Variants in MYO7B observed in about 807,000 individuals in gnomAD.
MYO7B encodes the protein myosin VIIB, also known as unconventional myosin-VIIb.
Under a neutral mutation model 259.7 loss-of-function variants are expected in MYO7B, and 212 were observed. That is an observed-to-expected ratio of 0.82 (90% confidence interval 0.73 to 0.91). MYO7B has a LOEUF of 0.91. MYO7B is among the 40% of genes least tolerant of loss of function. The pLI, the probability that MYO7B is intolerant of heterozygous loss-of-function variation, is 0.00. For missense variants in MYO7B, 2,732 were observed against 2,813.5 expected (o/e 0.97, Z 0.66); for synonymous variants, 1,197 against 1,166.4 (o/e 1.03, Z -0.54).
chr2:127,624,185 G>C lies in MYO7B; in HGVS notation c.3912G>C (p.Gln1304His), dbSNP rs775026628. Residue 1304 changes from glutamine (Q) to histidine (H), a missense_variant, in exon 30 of 48, where the codon CAG becomes CAC. Around this residue, in one of 3 missense-constraint regions of MYO7B, gnomAD observed 1,906 missense variants for 2,026.4 expected, o/e 0.94. Coordinates refer to ENST00000409816, the MANE Select transcript of MYO7B (RefSeq NM_001393586.1). ...AGGAGAGGGGCGAGAGCCAGCGCCA[G>C]TCACCCTGGCGCATCTACTTCCGGA... ...MAQERGESQR[Q>H]SPWRIYFRKE... 1 of 1,597,408 alleles carries C rather than the reference G, an allele frequency of 6.3e-7. No individual in the cohort carries two copies. Among genetic ancestry groups the C allele is most frequent in the Non-Finnish European group, 8.5e-7 (1 of 1,172,682 alleles).
chr2:127,611,191 C>T lies in MYO7B; in HGVS notation c.3193-1059C>T, dbSNP rs1172525353. 6.6e-6 allele frequency among the ~76,000 whole-genome samples: 1 copy of T among 152,220 alleles called. No homozygotes were observed. Among genetic ancestry groups the T allele is most frequent in the East Asian group, 1.9e-4 (1 of 5,192 alleles). ...TTCCACAAAGCTGCCTGGGCATCCT[C>T]ACAACATGGCTTCCCTCAACATGAG... On this transcript the variant is annotated intron_variant, in intron 24 of 47. Coordinates refer to ENST00000409816, the MANE Select transcript of MYO7B (RefSeq NM_001393586.1). The surrounding 1 kb of genome is among the most constrained non-coding windows in gnomAD (Gnocchi z 5.4).
At chr2:127,580,713 T>G in intron 9 of MYO7B, 33 bp from the exon 10 acceptor site, 1 of 1,595,124 alleles carries the variant, frequency 6.3e-7, no homozygotes, top group South Asian at 1.1e-5. Flanking sequence ...TCCAGGCTGC[T>G]TTCCAACTCA....
chr2:127,569,407 TG>T (rs1026428130), intron 5 of MYO7B, among the ~76,000 whole-genome samples: 5 of 152,162 alleles, frequency 3.3e-5, no homozygotes, highest in Non-Finnish European at 7.3e-5. Context: ...CAACAGAGCC[TG>T]TGTGACCTGG....
rs185379304 is a variant in MYO7B, at chr2:127,563,792, C to T, written c.19-361C>T. 2.3e-3 allele frequency among the ~76,000 whole-genome samples: 354 copies of T among 152,302 alleles called. 2 individuals are homozygous for T. The highest frequency in any genetic ancestry group is 7.8e-3 in the African/African-American group (325 of 41,570). ...TCTGAGAGGATGCAACTCTTGCTACCGTCATCAAGCTTGAGAAGCACTTTC... is the reference window on the plus strand; with the variant it reads ...TCTGAGAGGATGCAACTCTTGCTACTGTCATCAAGCTTGAGAAGCACTTTC... On this transcript the variant is annotated intron_variant, in intron 2 of 47. Coordinates refer to ENST00000409816, the MANE Select transcript of MYO7B (RefSeq NM_001393586.1).
chr2:127,548,664 T>G (rs1693329520), intron 1 of MYO7B, among the ~76,000 whole-genome samples: 1 of 152,168 alleles, frequency 6.6e-6, no homozygotes, highest in Admixed American at 6.5e-5. Context: ...TCCACCCGCC[T>G]CGGCCTCCCA....
chr2:127,544,881 C>T (rs979292241), intron 1 of MYO7B, among the ~76,000 whole-genome samples: 1 of 149,784 alleles, frequency 6.7e-6, no homozygotes, highest in African/African-American at 2.5e-5. Context: ...CGCCCGGCCA[C>T]GTCTGGCTAA....
In MYO7B at chr2:127,613,384, G is replaced by T. The variant is rs1462943529; in HGVS notation, c.3398+781G>T. On this transcript the variant is annotated intron_variant, in intron 26 of 47. Coordinates refer to ENST00000409816, the MANE Select transcript of MYO7B (RefSeq NM_001393586.1). The surrounding 1 kb of genome is among the most constrained non-coding windows in gnomAD (Gnocchi z 4.3). ...TCCATCCAACAAATGTTTTATTTCA[G>T]ATATTGTATTTTTCAGTTCTAGAAT... Among the ~76,000 whole-genome samples, 1 of 152,072 alleles carries T rather than the reference G, an allele frequency of 6.6e-6. No individual in the cohort carries two copies. The highest frequency in any genetic ancestry group is 2.4e-5 in the African/African-American group (1 of 41,402).
intron 19 of MYO7B, among the ~76,000 whole-genome samples, chr2:127,596,912 G>T (rs899612704): frequency 1.3e-5 from 2 of 152,236 alleles, no homozygotes; most frequent in African/African-American, 4.8e-5. Flanking sequence ...TCCATGGCTT[G>T]CCTGGGTTCC....
At chr2:127,574,125 C>T in intron 7 of MYO7B, 63 bp downstream of exon 7, 2 of 1,595,750 alleles carry the variant, frequency 1.3e-6, no homozygotes, top group African/African-American at 1.3e-5. Flanking sequence ...AAGAGGGGCC[C>T]CTTTCCCACT....
chr2:127,567,809 G>A (rs767498754), intron 5 of MYO7B, among the ~76,000 whole-genome samples: 22 of 152,166 alleles, frequency 1.4e-4, no homozygotes, highest in Non-Finnish European at 2.6e-4. Flanking sequence ...TTCTAGAAGC[G>A]GAGACAGACA....
At chr2:127,555,476 T>C (rs1693603316) in intron 1 of MYO7B, among the ~76,000 whole-genome samples, 1 of 152,238 alleles carries the variant, frequency 6.6e-6, no homozygotes, top group Admixed American at 6.5e-5. Flanking sequence ...CCTTGAGATG[T>C]GACCTTCCTT....
intron 1 of MYO7B, among the ~76,000 whole-genome samples, chr2:127,552,463 C>A (rs2163346): frequency 0.12 from 17,786 of 152,064 alleles, 1,364 homozygotes; most frequent in South Asian, 0.31. Flanking sequence ...GCGGTGGAGG[C>A]CACAGCTTCT....
intron 19 of MYO7B, among the ~76,000 whole-genome samples, chr2:127,599,731 G>A (rs1679892032): frequency 6.6e-6 from 1 of 152,172 alleles, no homozygotes; most frequent in Non-Finnish European, 1.5e-5. Context: ...ATGAACAAGT[G>A]TTGAATGTCA....
Position 127,634,624 on chromosome 2 carries a change from T to C in MYO7B, c.5654T>C (p.Phe1885Ser). 6.2e-7 allele frequency: 1 copy of C among 1,612,998 alleles called. No individual in the cohort carries two copies. Among genetic ancestry groups the C allele is most frequent in the African/African-American group, 1.3e-5 (1 of 75,026 alleles). ...ATCAGCCAGAAGGAGGGAGACTTCT[T>C]CTTTGATTCCTTGAGGGAGGTGTCT... The part of the protein sequence containing the change: ...KVISQKEGDF[F>S]FDSLREVSDW... The change falls in exon 42 of 48, where the codon TTC becomes TCC. Residue 1885 changes from phenylalanine (F) to serine (S), a missense_variant. Transcript: ENST00000409816.
At chr2:127,604,985 A>G (rs58166770) in intron 19 of MYO7B, among the ~76,000 whole-genome samples, 8,499 of 152,306 alleles carry the variant, frequency 0.056, 407 homozygotes, top group African/African-American at 0.13. Flanking sequence ...CTGTTGGAAA[A>G]ATGATACCAA....
rs138705841 is a variant in MYO7B at position 127,558,983 on chromosome 2, C to T, written c.-23-717C>T. ...GCGTGCACCAAAATCCCACAAGTCACGGCTAAAGAGCTTAGCAATAGACCT... is the reference window on the plus strand; with the variant it reads ...GCGTGCACCAAAATCCCACAAGTCATGGCTAAAGAGCTTAGCAATAGACCT... On this transcript the variant is annotated intron_variant, in intron 1 of 47. Coordinates refer to ENST00000409816, the MANE Select transcript of MYO7B (RefSeq NM_001393586.1). Among the ~76,000 whole-genome samples the T allele has an allele frequency of 4.9e-3, 743 of 152,296 alleles. 7 individuals are homozygous for T. The highest frequency in any genetic ancestry group is 0.017 in the African/African-American group (711 of 41,564).
In MYO7B at chr2:127,584,097, CT is replaced by C. The variant is rs1429814090; in HGVS notation, c.1344-24del. ...GGACTCAGCTGGCCCCACTCCACCC[CT>C]GGGCAGTGACCTTGCCTCCACAGCT... On this transcript the variant is annotated intron_variant, in intron 12 of 47. Transcript: ENST00000409816. This position sits in a 1 kb window ranked among gnomAD's most constrained non-coding sequence, Gnocchi z 5.8. 2 of 1,600,530 alleles carry C rather than the reference CT, an allele frequency of 1.2e-6. No individual in the cohort carries two copies. Among genetic ancestry groups the C allele is most frequent in the East Asian group, 2.3e-5 (1 of 44,220 alleles).
At chr2:127,543,217 G>A (rs182381212) in intron 1 of MYO7B, among the ~76,000 whole-genome samples, 1 of 152,262 alleles carries the variant, frequency 6.6e-6, no homozygotes, top group East Asian at 1.9e-4. Context: ...GATAGTACCT[G>A]GCTTTCCTAG....
chr2:127,590,297 G>A lies in MYO7B; in HGVS notation c.1992+68G>A. The A allele has an allele frequency of 6.2e-7, 1 of 1,602,050 alleles. No individual in the cohort carries two copies. The highest frequency in any genetic ancestry group is 8.5e-7 in the Non-Finnish European group (1 of 1,172,872). On this transcript the variant is annotated intron_variant, in intron 16 of 47. Coordinates refer to ENST00000409816, the MANE Select transcript of MYO7B (RefSeq NM_001393586.1). The surrounding 1 kb of genome is among the most constrained non-coding windows in gnomAD (Gnocchi z 4.6). ...GGAGGCTGATGGCCTCTAGGGTTGT[G>A]GTCACTCCCTCTGCCAGGGCCTGGC... is the stretch of plus-strand genomic sequence containing the variant.
Sources: allele counts gnomAD v4.1 joint callset (sites outside exome capture counted in the v4.1 genomes callset), GRCh38; gene constraint gnomAD v4.1.1; regional missense constraint gnomAD v4.1.1; non-coding constraint Gnocchi (gnomAD v3.1); transcripts MANE v1.5; gene names NCBI Gene and HGNC (gene_info 2026-07-23, HGNC 2026-07-21).